Variants in NDUFS1 observed in about 807,000 individuals in gnomAD.
NDUFS1 encodes the protein NADH-ubiquinone oxidoreductase 75 kDa subunit, mitochondrial.
Under a neutral mutation model 84.4 loss-of-function variants are expected in NDUFS1, and 61 were observed. The ratio of observed to expected loss-of-function variants is 0.72; its 90% CI spans 0.59 to 0.89. The LOEUF is 0.89. Ranked by LOEUF, NDUFS1 falls within the 40% of genes least tolerant of loss-of-function variation. The pLI, the probability that NDUFS1 is intolerant of heterozygous loss-of-function variation, is 0.00. For synonymous variants in NDUFS1, 275 were observed against 290.0 expected (o/e 0.95, Z 0.53); for missense variants, 891 against 890.0 (o/e 1.00, Z -0.01).
chr2:206,138,293 C>T (rs1691799552), intron 13 of NDUFS1, among the ~76,000 whole-genome samples, 192 bp downstream of exon 13: 1 of 152,210 alleles, frequency 6.6e-6, no homozygotes, highest in African/African-American at 2.4e-5. Context: ...GTTGCCCAGT[C>T]TGGTCTTGAA....
chr2:206,145,900 C>G (rs1692137087), intron 8 of NDUFS1, among the ~76,000 whole-genome samples: 1 of 152,158 alleles, frequency 6.6e-6, no homozygotes, highest in African/African-American at 2.4e-5. Flanking sequence ...CAAGATTTTA[C>G]CAGCCTAAGT....
At chr2:206,135,758 G>A (rs554619614) in intron 13 of NDUFS1, among the ~76,000 whole-genome samples, 36 of 152,178 alleles carry the variant, frequency 2.4e-4, no homozygotes, top group African/African-American at 8.4e-4. Flanking sequence ...GGGAATTAGA[G>A]AGGAGAAAGG....
intron 2 of NDUFS1, among the ~76,000 whole-genome samples, 163 bp downstream of exon 2, chr2:206,153,455 C>G (rs1178164705): frequency 6.6e-6 from 1 of 152,072 alleles, no homozygotes; most frequent in African/African-American, 2.4e-5. Context: ...CTCAGCCTCT[C>G]AAAGTGCTAG....
At position 206,138,533 on chromosome 2, in the gene NDUFS1, G is replaced by C; in HGVS notation, c.1344C>G (p.Ser448=). 1 of 1,614,054 alleles carries C rather than the reference G, an allele frequency of 6.2e-7. No homozygotes were observed. Among genetic ancestry groups the C allele is most frequent in the South Asian group, 1.1e-5 (1 of 91,082 alleles). ...LTYTYDHLGD[S]PKILQDIASG... ...AAGCAATGTCTTGAAGAATTTTGGG[G>C]GAGTCTCCCAGGTGGTCATATGTGT... The change falls in exon 13 of 19, where the codon TCC becomes TCG. Residue 448 remains serine (S), a synonymous_variant. Coordinates refer to ENST00000233190, the MANE Select transcript of NDUFS1 (RefSeq NM_005006.7).
At chr2:206,125,654 T>TAA (rs200788478) in intron 18 of NDUFS1, among the ~76,000 whole-genome samples, 19 of 149,134 alleles carry the variant, frequency 1.3e-4, no homozygotes, top group African/African-American at 4.2e-4. Context: ...TTTTCTTTTT[T>TAA]TAAAAAAAAA....
chr2:206,159,417 A>G lies in NDUFS1; in HGVS notation c.-81T>C. ...GACCCCCTAGGAGGCCGGGTCGCTT[A>G]TTCAATATGGCGGCCTCGGCTAACT... On this transcript the variant is annotated 5_prime_UTR_variant, in exon 1 of 19. Coordinates refer to ENST00000233190, the MANE Select transcript of NDUFS1 (RefSeq NM_005006.7). 1 of 486,218 alleles carries G rather than the reference A, an allele frequency of 2.1e-6. No individual in the cohort carries two copies. Among genetic ancestry groups the G allele is most frequent in the South Asian group, 3.0e-5 (1 of 33,812 alleles). The allele number at this position is 486,218 out of a possible 1,614,324, so 30.1% of individuals were successfully genotyped here.
chr2:206,143,945 T>A, intron 10 of NDUFS1, 73 bp downstream of exon 10: 1 of 1,176,832 alleles, frequency 8.5e-7, no homozygotes. Context: ...GAAATATACA[T>A]CCCCCCCTTC....
intron 13 of NDUFS1, among the ~76,000 whole-genome samples, chr2:206,134,153 A>G (rs1691619415): frequency 6.6e-6 from 1 of 152,214 alleles, no homozygotes; most frequent in Non-Finnish European, 1.5e-5. Context: ...TTGCCAAGGA[A>G]ATGTGAATAG....
chr2:206,151,312 T>C (rs898623297), intron 3 of NDUFS1, among the ~76,000 whole-genome samples: 5 of 152,218 alleles, frequency 3.3e-5, no homozygotes, highest in African/African-American at 1.2e-4. Context: ...TTATGTTTCA[T>C]CAATATTAAA....
chr2:206,140,543 T>C (rs1691897225), intron 12 of NDUFS1, among the ~76,000 whole-genome samples: 1 of 152,112 alleles, frequency 6.6e-6, no homozygotes, highest in African/African-American at 2.4e-5. Flanking sequence ...TACAGTGGCA[T>C]GATCTTGGCT....
Position 206,147,620 on chromosome 2 carries a change from TAA to T in NDUFS1, c.460_461del (p.Leu154ArgfsTer34), listed in dbSNP as rs1692208457. 3 of 1,614,158 alleles carry T rather than the reference TAA, an allele frequency of 1.9e-6. No individual in the cohort carries two copies. The East Asian group carries it at 6.7e-5, about 36-fold the overall frequency. On this transcript the variant is annotated frameshift_variant, in exon 7 of 19. Transcript: ENST00000233190. LOFTEE classifies it high-confidence loss of function. ...TGTCTTCCACAGCACGCTTCCCCTCTAAAAATCGGCTCCTATCATTTCCAAAC... is the reference window on the plus strand; with the variant it reads ...TGTCTTCCACAGCACGCTTCCCCTCTAAATCGGCTCCTATCATTTCCAAAC... ...MMFGNDRSRFLEGKRAVEDKN... is the reference protein window; with the variant it reads ...MMFGNDRSRFXEGKRAVEDKN...
chr2:206,144,230 G>A, intron 9 of NDUFS1, 98 bp from the exon 10 acceptor site: 1 of 879,832 alleles, frequency 1.1e-6, no homozygotes, highest in Non-Finnish European at 1.9e-6. Context: ...ATACAGTACT[G>A]GTTAAAGTGT....
chr2:206,118,033 C>CA lies in NDUFS1; in HGVS notation c.*6151dup, dbSNP rs1331116784. 1.3e-5 allele frequency: 2 copies of CA among 152,198 alleles called. No individual in the cohort carries two copies. Among genetic ancestry groups the CA allele is most frequent in the Non-Finnish European group, 2.9e-5 (2 of 68,044 alleles). The allele number at this position is 152,198 out of a possible 1,614,324, so 9.4% of individuals were successfully genotyped here. On this transcript the variant is annotated 3_prime_UTR_variant, in exon 19 of 19. Coordinates refer to ENST00000233190, the MANE Select transcript of NDUFS1 (RefSeq NM_005006.7). Reference sequence around the variant, plus strand: ...TTTAGTCCAGTCTAATCACCAGTCTCAGACTATACATTGCCATTTTCAACA... The same window carrying CA: ...TTTAGTCCAGTCTAATCACCAGTCTCAAGACTATACATTGCCATTTTCAACA...
At chr2:206,148,319 T>C (rs564794998) in intron 5 of NDUFS1, among the ~76,000 whole-genome samples, 1 of 152,302 alleles carries the variant, frequency 6.6e-6, no homozygotes, top group East Asian at 1.9e-4. Context: ...CAATTATCTA[T>C]CATTGTGGTA....
rs372313906 is a variant in NDUFS1, at chr2:206,159,236, A to T, written c.-5+105T>A. On this transcript the variant is annotated intron_variant, in intron 1 of 18. Coordinates refer to ENST00000233190, the MANE Select transcript of NDUFS1 (RefSeq NM_005006.7). ...GCGGGGCGGGAGGCGGCGCCCAGTC[A>T]AGGACAACAGAAGACTACGTCGCGT... 6.9e-5 allele frequency: 83 copies of T among 1,196,800 alleles called. 1 individual carries two copies. The East Asian group carries it at 9.9e-4, about 14-fold the overall frequency. The allele number at this position is 1,196,800 out of a possible 1,614,324, so 74.1% of individuals were successfully genotyped here. A position where few individuals can be genotyped will look rare whatever the true frequency, so the allele number is the denominator to read the frequency against.
At chr2:206,132,301 A>T (rs984770994) in intron 14 of NDUFS1, among the ~76,000 whole-genome samples, 5 of 152,090 alleles carry the variant, frequency 3.3e-5, no homozygotes, top group Admixed American at 6.6e-5. Flanking sequence ...TTTGAAATAA[A>T]GGCTAGGTGC....
chr2:206,152,639 A>G, intron 2 of NDUFS1, 129 bp from the exon 3 acceptor site: 1 of 726,972 alleles, frequency 1.4e-6, no homozygotes, highest in Non-Finnish European at 2.5e-6. Context: ...ATTGCTCTGG[A>G]TGCAAACTTA....
intron 13 of NDUFS1, among the ~76,000 whole-genome samples, chr2:206,135,489 A>G (rs536423379): frequency 3.9e-5 from 6 of 152,032 alleles, no homozygotes; most frequent in African/African-American, 1.4e-4. Flanking sequence ...CCTGGCCAAC[A>G]TGGTGAAACC....
intron 13 of NDUFS1, among the ~76,000 whole-genome samples, chr2:206,135,284 C>G (rs1691664272): frequency 6.6e-6 from 1 of 152,064 alleles, no homozygotes; most frequent in African/African-American, 2.4e-5. Flanking sequence ...CATTGGCTTC[C>G]CAAAGTGCTG....
Sources: gnomAD v4.1 joint callset for allele counts (sites outside exome capture counted in the v4.1 genomes callset) on GRCh38, gnomAD v4.1.1 for gene constraint, MANE v1.5 for transcripts, NCBI Gene and HGNC (gene_info 2026-07-23, HGNC 2026-07-21) for gene names.